CNTNAP2: variants seen among roughly 807,000 people sequenced by gnomAD.
CNTNAP2 encodes the protein contactin associated protein 2.
A neutral mutation model predicts 155.2 loss-of-function variants in CNTNAP2; 98 were observed. The observed-to-expected ratio is 0.63, with a 90% CI of 0.54 to 0.75. CNTNAP2 has a LOEUF of 0.75. Among genes scored for constraint, CNTNAP2 ranks in the 30% least tolerant of loss-of-function variants. The pLI, the probability that CNTNAP2 is intolerant of heterozygous loss-of-function variation, is 0.00. For synonymous variants in CNTNAP2, 651 were observed against 631.2 expected (o/e 1.03, Z -0.47); for missense variants, 1,727 against 1,688.1 (o/e 1.02, Z -0.40).
intron 21 of CNTNAP2, among the ~76,000 whole-genome samples, chr7:148,321,275 A>T (rs772794699): frequency 6.6e-6 from 1 of 152,230 alleles, no homozygotes; most frequent in Non-Finnish European, 1.5e-5. Flanking sequence ...AGGAATTCCA[A>T]CCAATGTGTT....
At chr7:148,026,346 G>A (rs1463987138) in intron 15 of CNTNAP2, among the ~76,000 whole-genome samples, 1 of 152,062 alleles carries the variant, frequency 6.6e-6, no homozygotes, top group Non-Finnish European at 1.5e-5. Context: ...AGCTACTCAG[G>A]AGGCTGAGGT....
intron 1 of CNTNAP2, among the ~76,000 whole-genome samples, chr7:146,475,303 G>C (rs1015632568): frequency 2.0e-5 from 3 of 152,140 alleles, no homozygotes; most frequent in African/African-American, 7.2e-5. Flanking sequence ...TGGGGCTAGT[G>C]TCTTAAAGGG....
chr7:147,324,296 TTCA>T (rs1795410912), intron 9 of CNTNAP2, among the ~76,000 whole-genome samples: 1 of 152,172 alleles, frequency 6.6e-6, no homozygotes, highest in African/African-American at 2.4e-5. Context: ...TTTCAATGAA[TTCA>T]TAAGGATAAT....
At chr7:146,808,290 T>C (rs2129193088) in intron 2 of CNTNAP2, among the ~76,000 whole-genome samples, 1 of 152,378 alleles carries the variant, frequency 6.6e-6, no homozygotes, top group Admixed American at 6.5e-5. Flanking sequence ...ATTTGTAATT[T>C]ATATTTCATG....
At chr7:147,816,272 T>A (rs550894071) in intron 13 of CNTNAP2, among the ~76,000 whole-genome samples, 1 of 152,168 alleles carries the variant, frequency 6.6e-6, no homozygotes, top group South Asian at 2.1e-4. Context: ...GTTACTGAGC[T>A]GGAGGGCTTG....
At chr7:146,678,737 A>G (rs1034411064) in intron 1 of CNTNAP2, among the ~76,000 whole-genome samples, 11 of 152,148 alleles carry the variant, frequency 7.2e-5, no homozygotes, top group Admixed American at 5.2e-4. Flanking sequence ...CACATTAACA[A>G]TCTCTCAATT....
At position 146,116,951 on chromosome 7, in the gene CNTNAP2, C is replaced by T; in HGVS notation, c.75C>T (p.Ala25=). Reference sequence around the variant, plus strand: ...TTGTCAGCAGCTGCCTCTGCAGAGCCTGGACGGCTCCCTCCACGTCCCGTA... The same window carrying T: ...TTGTCAGCAGCTGCCTCTGCAGAGCTTGGACGGCTCCCTCCACGTCCCGTA... ...LWIVSSCLCR[A]WTAPSTSQKC... is the part of the protein sequence containing the mutation. Residue 25 remains alanine (A), a synonymous_variant, in exon 1 of 24, where the codon GCC becomes GCT. Coordinates refer to ENST00000361727, the MANE Select transcript of CNTNAP2 (RefSeq NM_014141.6). This position sits in a 1 kb window ranked among gnomAD's most constrained non-coding sequence, Gnocchi z 5.5. 1 of 1,552,048 alleles carries T rather than the reference C, an allele frequency of 6.4e-7. No individual in the cohort carries two copies. Among genetic ancestry groups the T allele is most frequent in the Non-Finnish European group, 8.7e-7 (1 of 1,147,588 alleles).
chr7:146,476,787 G>A (rs1796883433), intron 1 of CNTNAP2, among the ~76,000 whole-genome samples: 1 of 152,152 alleles, frequency 6.6e-6, no homozygotes, highest in Non-Finnish European at 1.5e-5. Flanking sequence ...ATCCTATTCA[G>A]TACAACCTTA....
chr7:148,413,392 C>CAAAAAA (rs1184055556), intron 23 of CNTNAP2, among the ~76,000 whole-genome samples: 31 of 1,640 alleles, frequency 0.019, 2 homozygotes, highest in African/African-American at 0.029. Flanking sequence ...AACTCCGTCT[C>CAAAAAA]AAAAAAAAAA....
intron 1 of CNTNAP2, among the ~76,000 whole-genome samples, chr7:146,163,105 AC>A (rs1798250495): frequency 1.3e-5 from 2 of 152,210 alleles, no homozygotes; most frequent in African/African-American, 4.8e-5. Flanking sequence ...ATTTACACAT[AC>A]GTAACAAACC....
chr7:147,352,735 T>C (rs1795987741), intron 9 of CNTNAP2, among the ~76,000 whole-genome samples: 1 of 151,950 alleles, frequency 6.6e-6, no homozygotes, highest in South Asian at 2.1e-4. Context: ...TGTTACTAAG[T>C]TATTCTGTTT....
chr7:148,200,113 G>C (rs1416109094), intron 18 of CNTNAP2, among the ~76,000 whole-genome samples: 1 of 152,190 alleles, frequency 6.6e-6, no homozygotes, highest in East Asian at 1.9e-4. Flanking sequence ...TCGACTGACT[G>C]AGATGCTAAT....
In CNTNAP2 at chr7:146,256,971, C is replaced by T. The variant is rs186396106; in HGVS notation, c.97+139998C>T. Among the ~76,000 whole-genome samples the T allele has an allele frequency of 2.1e-3, 320 of 152,206 alleles. 1 individual carries two copies. The highest frequency in any genetic ancestry group is 6.8e-3 in the Middle Eastern group (2 of 294). The stretch of plus-strand genomic sequence containing the variant: ...TGGCATCCATAGGATAGTTTAATAA[C>T]CGGAAAACAATTATCCACAATGTTT... On this transcript the variant is annotated intron_variant, in intron 1 of 23. Transcript: ENST00000361727.
intron 3 of CNTNAP2, among the ~76,000 whole-genome samples, chr7:146,913,757 T>TC (rs1301746790): frequency 6.6e-6 from 1 of 150,990 alleles, no homozygotes; most frequent in Non-Finnish European, 1.5e-5. Context: ...ACATATGGAT[T>TC]CTTTTTTTTT....
At chr7:146,310,014 A>AAAT (rs1800792231) in intron 1 of CNTNAP2, among the ~76,000 whole-genome samples, 1 of 152,188 alleles carries the variant, frequency 6.6e-6, no homozygotes, top group African/African-American at 2.4e-5. Context: ...GTTATTGTGT[A>AAAT]ATGACTGTGC....
At chr7:146,903,309 C>T (rs1462216593) in intron 3 of CNTNAP2, among the ~76,000 whole-genome samples, 3 of 152,140 alleles carry the variant, frequency 2.0e-5, no homozygotes, top group Admixed American at 2.0e-4. Context: ...AACACCATTA[C>T]TATGCTGAAA....
chr7:147,218,616 A>G (rs938544041), intron 8 of CNTNAP2, among the ~76,000 whole-genome samples: 3 of 151,894 alleles, frequency 2.0e-5, no homozygotes, highest in Non-Finnish European at 4.4e-5. Context: ...AGTAATTTCA[A>G]ATTTGTCAAG....
chr7:147,370,712 C>T (rs2116914045), intron 9 of CNTNAP2, among the ~76,000 whole-genome samples: 1 of 152,202 alleles, frequency 6.6e-6, no homozygotes, highest in East Asian at 1.9e-4. Flanking sequence ...TTTTAGATGA[C>T]TCAGTAGACT....
chr7:147,836,526 T>TTTATTA, intron 13 of CNTNAP2, among the ~76,000 whole-genome samples: 1 of 152,168 alleles, frequency 6.6e-6, no homozygotes, highest in African/African-American at 2.4e-5. Flanking sequence ...CTCCTGCCCC[T>TTTATTA]TTATAATAGA....
Sources: gnomAD v4.1 joint callset for allele counts (sites outside exome capture counted in the v4.1 genomes callset) on GRCh38, gnomAD v4.1.1 for gene constraint, Gnocchi (gnomAD v3.1) non-coding constraint, MANE v1.5 for transcripts, NCBI Gene and HGNC (gene_info 2026-07-23, HGNC 2026-07-21) for gene names.